The following ITGAM variants were observed in gnomAD, a reference collection of about 807,000 sequenced individuals.
ITGAM encodes integrin subunit alpha M, also known as integrin alpha-M.
ITGAM carries 79 observed loss-of-function variants against 137.5 expected under a neutral mutation model. The ratio of observed to expected loss-of-function variants is 0.57; its 90% CI spans 0.48 to 0.69. ITGAM has a LOEUF of 0.69. Among genes scored for constraint, ITGAM ranks in the 30% least tolerant of loss-of-function variants. ITGAM has a pLI of 0.00. For missense variants in ITGAM, 1,343 were observed against 1,483.5 expected, an observed-to-expected ratio of 0.91 and a Z score of 1.56; for synonymous variants, 583 against 592.3, an observed-to-expected ratio of 0.98 and a Z score of 0.23.
At chr16:31,306,794 G>A (rs2080269496) in intron 14 of ITGAM, among the ~76,000 whole-genome samples, 1 of 152,132 alleles carries the variant, frequency 6.6e-6, no homozygotes, top group Non-Finnish European at 1.5e-5. Context: ...ACAGGCATGA[G>A]CCACCATGTC....
intron 5 of ITGAM, among the ~76,000 whole-genome samples, chr16:31,270,711 ATATATATATATATATAT>A (rs2079824903): frequency 1.1e-5 from 1 of 93,496 alleles, no homozygotes; most frequent in Non-Finnish European, 2.1e-5. Context: ...ATATATATAT[ATATATATATATATATAT>A]ATATATATAT....
intron 14 of ITGAM, among the ~76,000 whole-genome samples, chr16:31,313,569 T>C (rs897689551): frequency 1.3e-5 from 2 of 152,242 alleles, no homozygotes; most frequent in African/African-American, 2.4e-5. Context: ...CATTCTCTTT[T>C]ATGGCTGCAT....
At chr16:31,275,959 T>C (rs1040106476) in intron 9 of ITGAM, among the ~76,000 whole-genome samples, 8 of 152,222 alleles carry the variant, frequency 5.3e-5, no homozygotes, top group African/African-American at 1.7e-4. Context: ...CCACCCAGTA[T>C]TTTAACAAAA....
chr16:31,287,748 T>G (rs2080043874), intron 12 of ITGAM, among the ~76,000 whole-genome samples: 1 of 152,164 alleles, frequency 6.6e-6, no homozygotes, highest in African/African-American at 2.4e-5. Flanking sequence ...TCTTTGCCAA[T>G]AGTCAAATTC....
intron 12 of ITGAM, among the ~76,000 whole-genome samples, chr16:31,284,839 C>T (rs867602653): frequency 3.3e-5 from 5 of 151,928 alleles, no homozygotes; most frequent in South Asian, 2.1e-4. Context: ...TGTTCCTATT[C>T]GGCCATCTTG....
At chr16:31,296,313 A>G (rs1415275053) in intron 12 of ITGAM, among the ~76,000 whole-genome samples, 3 of 149,788 alleles carry the variant, frequency 2.0e-5, no homozygotes, top group Non-Finnish European at 4.4e-5. Context: ...GGGTTTCACC[A>G]TGATTTCCAG....
chr16:31,284,172 G>T (rs1429945093), intron 12 of ITGAM, among the ~76,000 whole-genome samples: 2 of 152,202 alleles, frequency 1.3e-5, no homozygotes, highest in Non-Finnish European at 2.9e-5. Flanking sequence ...CTACTTGGGG[G>T]TCAGGGACCC....
rs915742204 is a variant in ITGAM at position 31,324,839 on chromosome 16, T to C, written c.2289+57T>C. 1 of 1,556,136 alleles carries C rather than the reference T, an allele frequency of 6.4e-7. No homozygotes were observed. Among genetic ancestry groups the C allele is most frequent in the Non-Finnish European group, 8.7e-7 (1 of 1,152,580 alleles). ...TGGAAGAGACCAGAGACCAAGGTGG[T>C]TGAAACTCATTTTATTTGATTGCAT... On this transcript the variant is annotated intron_variant, in intron 18 of 29. Transcript: ENST00000544665. This position sits in a 1 kb window ranked among gnomAD's most constrained non-coding sequence, Gnocchi z 4.5.
At chr16:31,277,830 G>T in intron 11 of ITGAM, 137 bp from the exon 12 acceptor site, 1 of 871,810 alleles carries the variant, frequency 1.1e-6, no homozygotes, top group South Asian at 1.9e-5. Context: ...TGTTCATAAA[G>T]AGAAATATAG....
intron 12 of ITGAM, among the ~76,000 whole-genome samples, chr16:31,290,320 G>T (rs991553068): frequency 6.6e-6 from 1 of 152,180 alleles, no homozygotes; most frequent in East Asian, 1.9e-4. Context: ...TGTTCTGGAG[G>T]TAGTGGTGAT....
chr16:31,260,124 G>T, intron 1 of ITGAM, 32 bp downstream of exon 1: 1 of 1,421,420 alleles, frequency 7.0e-7, no homozygotes. Context: ...GACTCTGGGT[G>T]GGGAGGAGGG....
chr16:31,302,490 CTTTCCTTCTTTCT>C (rs2080216662), intron 14 of ITGAM, among the ~76,000 whole-genome samples: 6 of 67,708 alleles, frequency 8.9e-5, no homozygotes, highest in African/African-American at 4.5e-4. Context: ...TTTCTTTTTT[CTTTCCTTCTTTCT>C]TTCTTTCTTT....
intron 29 of ITGAM, 50 bp from the exon 30 acceptor site, chr16:31,331,586 C>T (rs1479585321): frequency 4.1e-6 from 6 of 1,481,066 alleles, no homozygotes; most frequent in Non-Finnish European, 5.6e-6. Context: ...TCTGCGGAGC[C>T]GCACGCTCCC....
intron 7 of ITGAM, 37 bp from the exon 8 acceptor site, chr16:31,273,328 C>A: frequency 6.5e-7 from 1 of 1,549,874 alleles, no homozygotes; most frequent in Non-Finnish European, 8.8e-7. Context: ...GTGTCATCTA[C>A]TTGCATTTGA....
chr16:31,331,583 A>C, intron 29 of ITGAM, 53 bp from the exon 30 acceptor site: 1 of 735,606 alleles, frequency 1.4e-6, no homozygotes, highest in Non-Finnish European at 2.1e-6. Context: ...TGGTCTGCGG[A>C]GCCGCACGCT....
At chr16:31,278,324 C>T (rs2079932501) in intron 12 of ITGAM, among the ~76,000 whole-genome samples, 1 of 152,138 alleles carries the variant, frequency 6.6e-6, no homozygotes, top group Non-Finnish European at 1.5e-5. Context: ...CTGTACAGAG[C>T]TCTCTATGGG....
At chr16:31,320,304 A>G (rs1330536225) in intron 14 of ITGAM, among the ~76,000 whole-genome samples, 1 of 152,216 alleles carries the variant, frequency 6.6e-6, no homozygotes, top group Non-Finnish European at 1.5e-5. Flanking sequence ...TATATTGTGT[A>G]TCCAGTAACA....
intron 12 of ITGAM, among the ~76,000 whole-genome samples, chr16:31,281,102 C>T (rs535711444): frequency 4.7e-4 from 71 of 152,238 alleles, no homozygotes; most frequent in Admixed American, 1.1e-3. Context: ...TTTTGATGTG[C>T]TGCTGGATTC....
rs2079699693 is a variant in ITGAM, at chr16:31,261,589, C to T, written c.29-103C>T. The T allele has an allele frequency of 1.3e-5, 9 of 681,634 alleles. No individual in the cohort carries two copies. In the South Asian group the frequency reaches 1.4e-4, roughly 10 times the overall value. 42.2% of individuals were successfully genotyped at this position (681,634 alleles called of 1,614,324 possible). A position where few individuals can be genotyped will look rare whatever the true frequency, so the allele number is the denominator to read the frequency against. ...CTGGAGTGCAGTGGCACAATCAGGG[C>T]TCAAGTGATCCTCCTGCCTCAGCCC... On this transcript the variant is annotated intron_variant, in intron 1 of 29. Coordinates refer to ENST00000544665, the MANE Select transcript of ITGAM (RefSeq NM_000632.4).
Sources: gnomAD v4.1 joint callset for allele counts (sites outside exome capture counted in the v4.1 genomes callset) on GRCh38, gnomAD v4.1.1 for gene constraint, Gnocchi (gnomAD v3.1) non-coding constraint, MANE v1.5 for transcripts, NCBI Gene and HGNC (gene_info 2026-07-23, HGNC 2026-07-21) for gene names.